Variants in MYT1 observed in about 807,000 individuals in gnomAD.
MYT1 encodes the protein myelin transcription factor I.
In MYT1, 23 loss-of-function variants were observed where a neutral mutation model predicts 123.0. The observed-to-expected ratio is 0.19, with a 90% CI of 0.13 to 0.26. The LOEUF (loss-of-function observed/expected upper bound fraction) is 0.26, where lower values mean the gene tolerates loss of function less well. Among genes scored for constraint, MYT1 ranks in the 10% least tolerant of loss-of-function variants. The pLI is 1.00. For synonymous variants in MYT1, 518 were observed against 575.3 expected (o/e 0.90, Z 1.43); for missense variants, 1,125 against 1,472.5 (o/e 0.76, Z 3.86).
At chr20:64,200,755 C>A (rs1283382526) in intron 4 of MYT1, among the ~76,000 whole-genome samples, 1 of 152,172 alleles carries the variant, frequency 6.6e-6, no homozygotes, top group African/African-American at 2.4e-5. Flanking sequence ...GGTTAACCTT[C>A]ATCTAACCAG....
chr20:64,199,748 G>A, intron 3 of MYT1, 144 bp from the exon 4 acceptor site: 1 of 919,914 alleles, frequency 1.1e-6, no homozygotes, highest in South Asian at 1.4e-5. Context: ...GCGCCCTGGG[G>A]AAACGGCTCA....
Position 64,217,168 on chromosome 20 carries a change from A to C in MYT1, c.1733A>C (p.Glu578Ala). The C allele has an allele frequency of 6.2e-7, 1 of 1,614,256 alleles. No individual in the cohort carries two copies. The highest frequency in any genetic ancestry group is 8.5e-7 in the Non-Finnish European group (1 of 1,180,054). ...TPRANLAKEL[E>A]KFSKVTFDYA... ...AGGGCCAACTTGGCCAAGGAGCTGG[A>C]GAAGTTCTCCAAGGTCACCTTTGAC... Residue 578 changes from glutamate (E) to alanine (A), a missense_variant, in exon 11 of 23, where the codon GAG (glutamate) becomes GCG (alanine). Coordinates refer to ENST00000328439, the MANE Select transcript of MYT1 (RefSeq NM_004535.3).
At position 64,207,979 on chromosome 20, in the gene MYT1, C is replaced by G. The variant is rs138499052; in HGVS notation, c.783C>G (p.Asp261Glu). Reference sequence around the variant, plus strand: ...GCATCCTGAGTCACGAAGAGGAGGACGAGGAGGAGGAGGAGGAGGAAGAGG... The same window carrying G: ...GCATCCTGAGTCACGAAGAGGAGGAGGAGGAGGAGGAGGAGGAGGAAGAGG... ...QKGILSHEEE[D>E]EEEEEEEEEE... Residue 261 changes from aspartate to glutamate, a missense_variant, in exon 7 of 23, where the codon GAC becomes GAG. By Grantham distance (45) the Asp-to-Glu change is conservative. Around this residue, in one of 4 missense-constraint regions of MYT1, gnomAD observed 406 missense variants for 432.2 expected, o/e 0.94. Transcript: ENST00000328439. The G allele has an allele frequency of 1.3e-6, 2 of 1,569,198 alleles. No homozygotes were observed. The highest frequency in any genetic ancestry group is 1.7e-6 in the Non-Finnish European group (2 of 1,162,076).
chr20:64,239,425 A>G (rs939591115), intron 21 of MYT1, among the ~76,000 whole-genome samples: 1 of 152,134 alleles, frequency 6.6e-6, no homozygotes, highest in African/African-American at 2.4e-5. Context: ...CCATCCCCTC[A>G]GGACAGAGGG....
chr20:64,234,904 G>A (rs1173592282), intron 19 of MYT1, among the ~76,000 whole-genome samples: 1 of 149,988 alleles, frequency 6.7e-6, no homozygotes, highest in Non-Finnish European at 1.5e-5. Flanking sequence ...ACACTGGGCT[G>A]GTGGTGGTGG....
intron 19 of MYT1, among the ~76,000 whole-genome samples, chr20:64,233,639 G>A (rs1478508748): frequency 6.6e-6 from 1 of 150,646 alleles, no homozygotes; most frequent in Non-Finnish European, 1.5e-5. Context: ...TGCATTTTGG[G>A]CAGAGTAGGT....
chr20:64,166,419 T>C lies in MYT1; in HGVS notation c.-99+1680T>C, dbSNP rs1982085059. ...CGTTTGCCGAACTTCCCAGGGGTAC[T>C]TGCTGATCCAGGAGCTTGAGCAGGA... On this transcript the variant is annotated intron_variant, in intron 1 of 22. Transcript: ENST00000328439. The surrounding 1 kb of genome is among the most constrained non-coding windows in gnomAD (Gnocchi z 4.9). Among the ~76,000 whole-genome samples, 1 of 152,168 alleles carries C rather than the reference T, an allele frequency of 6.6e-6. No homozygotes were observed. The highest frequency in any genetic ancestry group is 2.4e-5 in the African/African-American group (1 of 41,454).
intron 19 of MYT1, 119 bp from the exon 20 acceptor site, chr20:64,236,436 G>C: frequency 2.7e-6 from 2 of 735,204 alleles, no homozygotes; most frequent in Non-Finnish European, 2.4e-6. Context: ...GGATGGTCGT[G>C]GTGGGTGACC....
rs527283171 is a variant in MYT1, at chr20:64,240,635, C to T, written c.*187C>T. The T allele has an allele frequency of 3.5e-5, 24 of 695,050 alleles. No homozygotes were observed. Among genetic ancestry groups the T allele is most frequent in the African/African-American group, 3.2e-4 (18 of 55,554 alleles). 43.1% of individuals were successfully genotyped at this position (695,050 alleles called of 1,614,324 possible). On this transcript the variant is annotated 3_prime_UTR_variant, in exon 23 of 23. Coordinates refer to ENST00000328439, the MANE Select transcript of MYT1 (RefSeq NM_004535.3). ...ACGAGGCTCCCTCCAGGCTTGGGGC[C>T]GTGGTGGCCCTATCTGTGTGCATAG...
rs1363592005 is a variant in MYT1 at position 64,190,736 on chromosome 20, AG to A, written c.-1+578del. ...CTAATCCCAGCACTTTGGGAGGCTG[AG>A]GCAGGTGGATCACTTGAGGTCAAGA... is the stretch of plus-strand genomic sequence containing the variant. On this transcript the variant is annotated intron_variant, in intron 2 of 22. Coordinates refer to ENST00000328439, the MANE Select transcript of MYT1 (RefSeq NM_004535.3). This position sits in a 1 kb window ranked among gnomAD's most constrained non-coding sequence, Gnocchi z 4.1. Among the ~76,000 whole-genome samples the A allele has an allele frequency of 6.8e-6, 1 of 147,484 alleles. No homozygotes were observed. The highest frequency in any genetic ancestry group is 2.5e-5 in the African/African-American group (1 of 39,282).
intron 14 of MYT1, among the ~76,000 whole-genome samples, chr20:64,222,253 T>G (rs1601720097): frequency 6.6e-6 from 1 of 152,316 alleles, no homozygotes; most frequent in African/African-American, 2.4e-5. Context: ...TTTACTGCAA[T>G]CTTCTAAAAG....
intron 1 of MYT1, among the ~76,000 whole-genome samples, chr20:64,170,886 G>T (rs895176915): frequency 0.093 from 1,584 of 17,002 alleles, 3 homozygotes; most frequent in Non-Finnish European, 0.11. Context: ...TATATATATA[G>T]AGAGAGAGAG....
intron 1 of MYT1, among the ~76,000 whole-genome samples, chr20:64,165,932 C>T (rs558187798): frequency 1.3e-5 from 2 of 152,206 alleles, no homozygotes; most frequent in East Asian, 1.9e-4. Flanking sequence ...TGGGGGGGCC[C>T]ACTCGGTGCT....
Position 64,189,540 on chromosome 20 carries a change from A to G in MYT1, c.-98-523A>G, listed in dbSNP as rs1982907589. On this transcript the variant is annotated intron_variant, in intron 1 of 22. Coordinates refer to ENST00000328439, the MANE Select transcript of MYT1 (RefSeq NM_004535.3). The surrounding 1 kb of genome is among the most constrained non-coding windows in gnomAD (Gnocchi z 5.5). ...GGGCCCCCGGGATCCTGCGGGAGGC[A>G]AAGCTGATTTGAGACCATGGGTGGA... 6.6e-6 allele frequency among the ~76,000 whole-genome samples: 1 copy of G among 152,240 alleles called. No homozygotes were observed. Among genetic ancestry groups the G allele is most frequent in the Non-Finnish European group, 1.5e-5 (1 of 68,028 alleles).
rs1484236487 is a variant in MYT1 at position 64,235,229 on chromosome 20, G to A, written c.2898-1326G>A. 9.5e-5 allele frequency among the ~76,000 whole-genome samples: 7 copies of A among 73,746 alleles called. 1 individual carries two copies. The highest frequency in any genetic ancestry group is 1.2e-3 in the South Asian group (2 of 1,722). The allele number at this position is 73,746 out of a possible 152,430, so 48.4% of individuals were successfully genotyped here. On this transcript the variant is annotated intron_variant, in intron 19 of 22. Coordinates refer to ENST00000328439, the MANE Select transcript of MYT1 (RefSeq NM_004535.3). The stretch of plus-strand genomic sequence containing the variant: ...CCGGGATGGTCATGGTGTGTGACCC[G>A]GGGCTGGCCGTGGTATGTGACCCCG...
intron 1 of MYT1, among the ~76,000 whole-genome samples, chr20:64,187,423 A>C (rs1356016517): frequency 1.4e-5 from 2 of 146,118 alleles, no homozygotes; most frequent in African/African-American, 5.2e-5. Context: ...GTTTCTGTGG[A>C]GAGTTTTCCT....
chr20:64,220,100 C>G, intron 13 of MYT1, 118 bp downstream of exon 13: 2 of 1,386,840 alleles, frequency 1.4e-6, no homozygotes, highest in South Asian at 3.6e-5. Context: ...GGAAGAGCCT[C>G]GGGGAGCCAT....
At chr20:64,239,006 C>T (rs1273173944) in intron 21 of MYT1, among the ~76,000 whole-genome samples, 1 of 152,186 alleles carries the variant, frequency 6.6e-6, no homozygotes, top group Non-Finnish European at 1.5e-5. Flanking sequence ...CCATCCACAG[C>T]CTCCCAGGAA....
chr20:64,177,231 T>G (rs1982485328), intron 1 of MYT1, among the ~76,000 whole-genome samples: 1 of 152,112 alleles, frequency 6.6e-6, no homozygotes, highest in Non-Finnish European at 1.5e-5. Context: ...AGAAGCAAAA[T>G]AATGAGAGAA....
Sources: gnomAD v4.1 joint callset for allele counts (sites outside exome capture counted in the v4.1 genomes callset) on GRCh38, gnomAD v4.1.1 for gene constraint, gnomAD v4.1.1 regional missense constraint, Gnocchi (gnomAD v3.1) non-coding constraint, MANE v1.5 for transcripts, NCBI Gene and HGNC (gene_info 2026-07-23, HGNC 2026-07-21) for gene names.